The following RANBP2 variants were observed in gnomAD, a reference collection of about 807,000 sequenced individuals.
RANBP2 encodes the protein RAN binding protein 2.
In RANBP2, 57 loss-of-function variants were observed where a neutral mutation model predicts 303.6. That is an observed-to-expected ratio of 0.19 (90% confidence interval 0.15 to 0.23). The LOEUF (loss-of-function observed/expected upper bound fraction) is 0.23. Ranked by LOEUF, RANBP2 falls within the 10% of genes least tolerant of loss-of-function variation. RANBP2 has a pLI of 1.00. For synonymous variants in RANBP2, 1,167 were observed against 1,301.5 expected, an observed-to-expected ratio of 0.90 and a Z score of 2.23; for missense variants, 3,138 against 3,780.8, an observed-to-expected ratio of 0.83 and a Z score of 4.46.
At chr2:109,027,253 A>C in the RANBP2 span, among the ~76,000 whole-genome samples, 1,075 of 151,140 alleles carry the variant, frequency 7.1e-3, 13 homozygotes, top group African/African-American at 0.024. Flanking sequence ...AAAAAAAAAA[A>C]AAAAAAAAAA....
chr2:109,366,489 C>T, the RANBP2 span, among the ~76,000 whole-genome samples: 89 of 151,806 alleles, frequency 5.9e-4, no homozygotes, highest in African/African-American at 2.0e-3. Flanking sequence ...TGCATATATA[C>T]GTTTATGCAC....
chr2:109,512,256 C>T, the RANBP2 span, among the ~76,000 whole-genome samples: 3 of 152,050 alleles, frequency 2.0e-5, no homozygotes, highest in Admixed American at 2.0e-4. Flanking sequence ...TGGTGACTGA[C>T]GTGTGGGCCC....
At chr2:109,117,900 G>C in the RANBP2 span, among the ~76,000 whole-genome samples, 4 of 152,176 alleles carry the variant, frequency 2.6e-5, no homozygotes, top group Non-Finnish European at 5.9e-5. Flanking sequence ...TCCTTTCTCT[G>C]GGTGTGCTCT....
the RANBP2 span, among the ~76,000 whole-genome samples, chr2:109,527,058 T>C: frequency 2.0e-5 from 3 of 152,176 alleles, no homozygotes; most frequent in Non-Finnish European, 4.4e-5. Context: ...ATTTAGCTTA[T>C]AGAAATAATG....
At chr2:108,836,888 C>A in the RANBP2 span, among the ~76,000 whole-genome samples, 1 of 150,798 alleles carries the variant, frequency 6.6e-6, no homozygotes, top group South Asian at 2.1e-4. Context: ...TATGGAAACA[C>A]AAGTGATTTT....
At chr2:109,650,172 G>A in the RANBP2 span, among the ~76,000 whole-genome samples, 5 of 152,194 alleles carry the variant, frequency 3.3e-5, no homozygotes, top group Admixed American at 6.5e-5. Flanking sequence ...ATCATCATAC[G>A]TTCTGGTGAG....
At chr2:109,524,129 A>C in the RANBP2 span, among the ~76,000 whole-genome samples, 27 of 152,162 alleles carry the variant, frequency 1.8e-4, no homozygotes, top group Admixed American at 2.6e-4. Context: ...CATCATGCAT[A>C]AGGTCAGGGC....
the RANBP2 span, among the ~76,000 whole-genome samples, chr2:109,554,403 A>G: frequency 6.6e-6 from 1 of 152,146 alleles, no homozygotes; most frequent in Non-Finnish European, 1.5e-5. Context: ...TCATTCATTC[A>G]TTCTCCAACC....
the RANBP2 span, among the ~76,000 whole-genome samples, chr2:108,974,164 C>T: frequency 6.6e-6 from 1 of 150,768 alleles, no homozygotes; most frequent in Non-Finnish European, 1.5e-5. Flanking sequence ...CCCGTCTCTA[C>T]TAAAAAATAC....
At chr2:109,112,217 C>T in the RANBP2 span, among the ~76,000 whole-genome samples, 3 of 152,020 alleles carry the variant, frequency 2.0e-5, no homozygotes, top group African/African-American at 7.2e-5. Context: ...CACTGACTTC[C>T]ACAATGGTTG....
chr2:109,307,870 G>A, the RANBP2 span, among the ~76,000 whole-genome samples: 6 of 128,754 alleles, frequency 4.7e-5, no homozygotes, highest in South Asian at 7.4e-4. Context: ...TGTGAATAAT[G>A]CCGCAGTAAA....
the RANBP2 span, among the ~76,000 whole-genome samples, chr2:109,121,223 G>C: frequency 6.6e-6 from 1 of 151,188 alleles, no homozygotes; most frequent in African/African-American, 2.4e-5. Context: ...CTCCAGCCTG[G>C]GCGACAGAGT....
the RANBP2 span, chr2:109,615,040 A>C: frequency 1.9e-6 from 3 of 1,548,244 alleles, no homozygotes; most frequent in Non-Finnish European, 2.6e-6. Context: ...CATGGCTGCG[A>C]GGAGGCGGAC....
At chr2:109,421,723 T>C in the RANBP2 span, among the ~76,000 whole-genome samples, 1 of 152,150 alleles carries the variant, frequency 6.6e-6, no homozygotes, top group African/African-American at 2.4e-5. Context: ...AACTTATGTG[T>C]CGGACAACAT....
chr2:108,905,502 A>G, the RANBP2 span, among the ~76,000 whole-genome samples: 1 of 77,664 alleles, frequency 1.3e-5, no homozygotes, highest in African/African-American at 5.2e-5. Flanking sequence ...GCCAGGGCAC[A>G]GGGGGCTGCA....
At chr2:109,223,664 C>G in the RANBP2 span, among the ~76,000 whole-genome samples, 1 of 152,192 alleles carries the variant, frequency 6.6e-6, no homozygotes, top group East Asian at 1.9e-4. Flanking sequence ...CTCCATGGCT[C>G]TCCCCTGAAT....
the RANBP2 span, among the ~76,000 whole-genome samples, chr2:109,470,340 T>G: frequency 6.6e-6 from 1 of 152,182 alleles, no homozygotes; most frequent in Non-Finnish European, 1.5e-5. Context: ...TCCTGCTCCA[T>G]CTGGAAAAGA....
At chr2:109,570,083 A>G in the RANBP2 span, among the ~76,000 whole-genome samples, 2 of 152,170 alleles carry the variant, frequency 1.3e-5, no homozygotes, top group Non-Finnish European at 2.9e-5. Flanking sequence ...TAATTTCAGC[A>G]TATCCTAGTT....
chr2:109,415,013 A>G, the RANBP2 span, among the ~76,000 whole-genome samples: 2 of 152,172 alleles, frequency 1.3e-5, no homozygotes, highest in South Asian at 2.1e-4. Flanking sequence ...CCCGAGAGGG[A>G]AGCAGAGGCC....
Sources: gnomAD v4.1 joint callset for allele counts (sites outside exome capture counted in the v4.1 genomes callset) on GRCh38, gnomAD v4.1.1 for gene constraint, MANE v1.5 for transcripts, NCBI Gene and HGNC (gene_info 2026-07-23, HGNC 2026-07-21) for gene names.